SMC5: variants seen among roughly 807,000 people sequenced by gnomAD.
SMC5 encodes structural maintenance of chromosomes 5.
In SMC5, 88 loss-of-function variants were observed where a neutral mutation model predicts 148.3. The ratio of observed to expected loss-of-function variants is 0.59; its 90% CI spans 0.50 to 0.71. SMC5 has a LOEUF of 0.71. Among genes scored for constraint, SMC5 ranks in the 30% least tolerant of loss-of-function variants. The probability of loss-of-function intolerance (pLI) is 0.00; values close to 1 mark genes in which losing one functional copy is unlikely to be tolerated. For synonymous variants in SMC5, 421 were observed against 432.8 expected (o/e 0.97, Z 0.34); for missense variants, 1,142 against 1,298.9 (o/e 0.88, Z 1.86).
At chr9:70,262,530 C>T (rs1286378375) in intron 1 of SMC5, among the ~76,000 whole-genome samples, 1 of 152,112 alleles carries the variant, frequency 6.6e-6, no homozygotes, top group Non-Finnish European at 1.5e-5. Context: ...TGGTCAATGG[C>T]ATGAATGATA....
intron 17 of SMC5, among the ~76,000 whole-genome samples, chr9:70,328,261 G>A (rs1003595179): frequency 1.3e-5 from 2 of 152,074 alleles, no homozygotes; most frequent in Non-Finnish European, 2.9e-5. Flanking sequence ...ACTCATTCTA[G>A]CATTAACTCA....
At position 70,347,954 on chromosome 9, in the gene SMC5, G is replaced by A. The variant is rs756018138; in HGVS notation, c.2805G>A (p.Leu935=). The change falls in exon 22 of 25, where the codon CTG becomes CTA. Residue 935 remains leucine, a synonymous_variant. Transcript: ENST00000361138. ...GGTGGCTTAATCCTTTAAAAGAGCTGGTAGAAAAAATTAATGAAAAATTCA... is the reference window on the plus strand; with the variant it reads ...GGTGGCTTAATCCTTTAAAAGAGCTAGTAGAAAAAATTAATGAAAAATTCA... The part of the protein sequence containing the change: ...KERWLNPLKE[L]VEKINEKFSN... 2 of 1,603,980 alleles carry A rather than the reference G, an allele frequency of 1.2e-6. No individual in the cohort carries two copies. The highest frequency in any genetic ancestry group is 2.2e-5 in the South Asian group (2 of 89,186).
intron 3 of SMC5, among the ~76,000 whole-genome samples, chr9:70,276,907 A>C (rs1241436489): frequency 6.6e-6 from 1 of 152,118 alleles, no homozygotes; most frequent in East Asian, 1.9e-4. Context: ...TTTTCTGAGC[A>C]GGGGGAGTTT....
In SMC5 at chr9:70,318,876, A is replaced by G. The variant is rs761179104; in HGVS notation, c.2063A>G (p.Asn688Ser). 7 of 1,612,562 alleles carry G rather than the reference A, an allele frequency of 4.3e-6. No homozygotes were observed. Among genetic ancestry groups the G allele is most frequent in the Non-Finnish European group, 5.9e-6 (7 of 1,179,318 alleles). Residue 688 changes from asparagine (N) to serine (S), a missense_variant, in exon 15 of 25, where the codon AAT becomes AGT. This residue lies in a region of SMC5 where 743 missense variants were observed against 835.7 expected (regional missense o/e 0.89). Transcript: ENST00000361138. ...ETSKHLEHKDNELRQKKKELL... is the reference protein window; with the variant it reads ...ETSKHLEHKDSELRQKKKELL... Reference sequence around the variant, plus strand: ...AGCAAACATCTGGAGCACAAAGACAATGAACTTAGACAAAAGAAGAAGGAG... The same window carrying G: ...AGCAAACATCTGGAGCACAAAGACAGTGAACTTAGACAAAAGAAGAAGGAG...
Position 70,280,753 on chromosome 9 carries a change from T to C in SMC5, c.679-6T>C, listed in dbSNP as rs1265729579. The C allele has an allele frequency of 1.2e-6, 2 of 1,608,972 alleles. No homozygotes were observed. ...AAACTGATTGTTCAACATATATTTA[T>C]TGTAGACCTCATGCAAAGAGAAAAC... On this transcript the variant is annotated splice_region_variant and splice_polypyrimidine_tract_variant and intron_variant, in intron 5 of 24. Transcript: ENST00000361138.
chr9:70,314,679 A>G, intron 11 of SMC5, 63 bp from the exon 12 acceptor site: 1 of 826,550 alleles, frequency 1.2e-6, no homozygotes. Flanking sequence ...TATGGTAACT[A>G]TAAATCATTT....
chr9:70,268,068 G>A (rs990699287), intron 3 of SMC5, 93 bp downstream of exon 3: 1 of 874,576 alleles, frequency 1.1e-6, no homozygotes, highest in Non-Finnish European at 1.7e-6. Context: ...TATTAATATA[G>A]TATTATGGCA....
chr9:70,295,007 A>T (rs1206218627), intron 8 of SMC5, among the ~76,000 whole-genome samples: 1 of 152,128 alleles, frequency 6.6e-6, no homozygotes, highest in Non-Finnish European at 1.5e-5. Context: ...AGAGGAACCA[A>T]AGTGGGGCTC....
chr9:70,272,303 A>G (rs531032255), intron 3 of SMC5, among the ~76,000 whole-genome samples: 1 of 152,324 alleles, frequency 6.6e-6, no homozygotes, highest in East Asian at 1.9e-4. Flanking sequence ...GCTTCCAATT[A>G]AAATTAAACT....
Position 70,300,070 on chromosome 9 carries a change from T to G in SMC5, c.1334T>G (p.Phe445Cys), listed in dbSNP as rs1181762348. Residue 445 changes from phenylalanine to cysteine, a missense_variant, in exon 10 of 25, where the codon TTT becomes TGT. By Grantham distance (205) the Phe-to-Cys change is radical. Coordinates refer to ENST00000361138, the MANE Select transcript of SMC5 (RefSeq NM_015110.4). ...GGTGTGGACGATCATATTGTACGTT[T>G]TGACAATCTTATGAATCAGAAGGAA... ...KKSVDDHIVR[F>C]DNLMNQKEDK... 6.3e-7 allele frequency: 1 copy of G among 1,588,858 alleles called. No homozygotes were observed. Among genetic ancestry groups the G allele is most frequent in the Non-Finnish European group, 8.5e-7 (1 of 1,173,612 alleles).
At chr9:70,324,970 C>T (rs2036040568) in intron 17 of SMC5, among the ~76,000 whole-genome samples, 1 of 152,110 alleles carries the variant, frequency 6.6e-6, no homozygotes. Flanking sequence ...TCCTGGTTCA[C>T]CAACCAGTGG....
chr9:70,315,909 A>C (rs2035789556), intron 13 of SMC5, among the ~76,000 whole-genome samples: 1 of 152,126 alleles, frequency 6.6e-6, no homozygotes, highest in South Asian at 2.1e-4. Flanking sequence ...ACATTGTATT[A>C]ATAGTTTAGT....
At chr9:70,282,389 G>T (rs779784954) in intron 6 of SMC5, 33 bp from the exon 7 acceptor site, 4 of 1,563,054 alleles carry the variant, frequency 2.6e-6, no homozygotes, top group South Asian at 1.3e-5. Flanking sequence ...TTAAGGTAGG[G>T]CATTAACTTC....
chr9:70,282,830 G>T (rs991888265), intron 7 of SMC5, among the ~76,000 whole-genome samples: 1 of 152,102 alleles, frequency 6.6e-6, no homozygotes. Flanking sequence ...TTAGGTACAA[G>T]AGGATTCATA....
chr9:70,299,979 T>C (rs1564041910), intron 9 of SMC5, 67 bp from the exon 10 acceptor site: 3 of 1,413,614 alleles, frequency 2.1e-6, no homozygotes, highest in South Asian at 2.9e-5. Context: ...TTTTGTGTTA[T>C]TATTAGATTA....
rs986106893 is a variant in SMC5, at chr9:70,353,675, A to G, written c.*1344A>G. 1 of 152,196 alleles carries G rather than the reference A, an allele frequency of 6.6e-6. No homozygotes were observed. The highest frequency in any genetic ancestry group is 2.4e-5 in the African/African-American group (1 of 41,452). The allele number at this position is 152,196 out of a possible 1,614,324, so 9.4% of individuals were successfully genotyped here. A position where few individuals can be genotyped will look rare whatever the true frequency, so the allele number is the denominator to read the frequency against. ...TAAGTTTATGTCCTCTCACTTAGAC[A>G]TTTTCTCTTTAAAAAGGTATTTTCT... On this transcript the variant is annotated 3_prime_UTR_variant, in exon 25 of 25. Transcript: ENST00000361138.
intron 8 of SMC5, among the ~76,000 whole-genome samples, chr9:70,291,122 A>G (rs985307350): frequency 6.9e-6 from 1 of 143,900 alleles, no homozygotes. Flanking sequence ...TTGTTTAGTG[A>G]CTTTCCTAGT....
At chr9:70,341,652 C>T (rs544906051) in intron 17 of SMC5, among the ~76,000 whole-genome samples, 1 of 152,144 alleles carries the variant, frequency 6.6e-6, no homozygotes, top group South Asian at 2.1e-4. Context: ...TGCTATCAAA[C>T]CCATGTGCAT....
In SMC5 at chr9:70,298,102, A is replaced by G; in HGVS notation, c.1190A>G (p.Gln397Arg). ...LKTTENCENL[Q>R]PQIDAITNDL... ...ACCACGGAAAACTGCGAGAATCTTC[A>G]GCCCCAGATTGATGCCATTACAAAT... The change falls in exon 9 of 25, where the codon CAG becomes CGG. Residue 397 changes from glutamine to arginine, a missense_variant. Physicochemically the swap from Gln to Arg is conservative, Grantham distance 43 (BLOSUM62 1). Around this residue, in one of 5 missense-constraint regions of SMC5, gnomAD observed 743 missense variants for 835.7 expected, o/e 0.89. Coordinates refer to ENST00000361138, the MANE Select transcript of SMC5 (RefSeq NM_015110.4). 2 of 1,614,092 alleles carry G rather than the reference A, an allele frequency of 1.2e-6. No homozygotes were observed. The highest frequency in any genetic ancestry group is 1.7e-6 in the Non-Finnish European group (2 of 1,179,946).
Sources: gnomAD v4.1 joint callset for allele counts (sites outside exome capture counted in the v4.1 genomes callset) on GRCh38, gnomAD v4.1.1 for gene constraint, gnomAD v4.1.1 regional missense constraint, MANE v1.5 for transcripts, NCBI Gene and HGNC (gene_info 2026-07-23, HGNC 2026-07-21) for gene names.